The following ASIC2 variants were observed in gnomAD, a reference collection of about 807,000 sequenced individuals.
ASIC2 encodes the protein acid-sensing ion channel 2.
ASIC2 carries 25 observed loss-of-function variants against 57.3 expected under a neutral mutation model. The ratio of observed to expected loss-of-function variants is 0.44; its 90% CI spans 0.32 to 0.61. The LOEUF (loss-of-function observed/expected upper bound fraction) is 0.61. Ranked by LOEUF, ASIC2 falls within the 20% of genes least tolerant of loss-of-function variation. The pLI, the probability that ASIC2 is intolerant of heterozygous loss-of-function variation, is 0.06. For synonymous variants in ASIC2, 319 were observed against 307.5 expected (o/e 1.04, Z -0.39); for missense variants, 641 against 738.1 (o/e 0.87, Z 1.52).
chr17:33,898,908 C>T (rs1915168626), intron 1 of ASIC2, among the ~76,000 whole-genome samples: 1 of 152,142 alleles, frequency 6.6e-6, no homozygotes, highest in Non-Finnish European at 1.5e-5. Flanking sequence ...TTTTTCCATA[C>T]TTACTTCCAA....
intron 3 of ASIC2, among the ~76,000 whole-genome samples, chr17:33,030,777 T>C (rs999176856): frequency 2.0e-5 from 3 of 152,198 alleles, no homozygotes; most frequent in African/African-American, 7.2e-5. Context: ...TCACATGATT[T>C]TTCTCCTTCA....
intron 1 of ASIC2, among the ~76,000 whole-genome samples, chr17:34,101,252 C>T (rs189825581): frequency 3.9e-5 from 6 of 152,320 alleles, no homozygotes; most frequent in Admixed American, 2.6e-4. Flanking sequence ...GAGACACATA[C>T]ATATACAAGG....
rs146084911 is a variant in ASIC2, at chr17:33,174,392, G to T, written c.709-62325C>A. Among the ~76,000 whole-genome samples the T allele has an allele frequency of 2.8e-3, 416 of 148,062 alleles. 1 individual carries two copies. The highest frequency in any genetic ancestry group is 5.7e-3 in the Admixed American group (84 of 14,838). ...GCTGAGATCACACCCCTGCACTCCA[G>T]CCTGGGTGATGCAGCAAGACTCCAT... On this transcript the variant is annotated intron_variant, in intron 1 of 9. Coordinates refer to ENST00000225823, the MANE Select transcript of ASIC2 (RefSeq NM_183377.2).
At chr17:33,563,810 G>A (rs984540467) in intron 1 of ASIC2, among the ~76,000 whole-genome samples, 7 of 152,204 alleles carry the variant, frequency 4.6e-5, no homozygotes, top group African/African-American at 1.7e-4. Context: ...TGTAGCAAAG[G>A]AGATGGGTGG....
intron 1 of ASIC2, among the ~76,000 whole-genome samples, chr17:33,799,413 TTC>T (rs1412414679): frequency 1.5e-4 from 10 of 67,206 alleles, no homozygotes; most frequent in African/African-American, 5.2e-4. Flanking sequence ...TTTTCTTTCT[TTC>T]TTTCTTTCTT....
At chr17:33,745,686 T>C (rs1910239648) in intron 1 of ASIC2, among the ~76,000 whole-genome samples, 1 of 151,992 alleles carries the variant, frequency 6.6e-6, no homozygotes, top group Admixed American at 6.6e-5. Context: ...TAACTGAGAA[T>C]CTAATGCCCA....
intron 1 of ASIC2, among the ~76,000 whole-genome samples, chr17:33,258,983 T>A (rs1029487748): frequency 1.4e-4 from 22 of 152,030 alleles, no homozygotes; most frequent in African/African-American, 5.3e-4. Flanking sequence ...TAAGGCATAG[T>A]GAGAGAGCGA....
chr17:33,256,259 C>A (rs1909064874), intron 1 of ASIC2, among the ~76,000 whole-genome samples: 1 of 151,636 alleles, frequency 6.6e-6, no homozygotes, highest in Admixed American at 6.6e-5. Context: ...ATGAAAAAAA[C>A]AATATGGATT....
intron 3 of ASIC2, among the ~76,000 whole-genome samples, chr17:33,061,650 T>C (rs2092021090): frequency 6.6e-6 from 1 of 152,210 alleles, no homozygotes; most frequent in South Asian, 2.1e-4. Flanking sequence ...CTGCCAGGCT[T>C]TGGTATCAGG....
At chr17:33,150,553 A>G (rs1369952151) in intron 1 of ASIC2, among the ~76,000 whole-genome samples, 1 of 152,090 alleles carries the variant, frequency 6.6e-6, no homozygotes, top group African/African-American at 2.4e-5. Context: ...TTTTTAAATC[A>G]TAGTGAAGTC....
chr17:33,519,453 A>C (rs1362336603), intron 1 of ASIC2, among the ~76,000 whole-genome samples: 1 of 152,046 alleles, frequency 6.6e-6, no homozygotes, highest in Non-Finnish European at 1.5e-5. Flanking sequence ...GTATTTCTCT[A>C]CCTAGGCTTT....
At chr17:33,778,330 A>C (rs1054751534) in intron 1 of ASIC2, among the ~76,000 whole-genome samples, 2 of 152,170 alleles carry the variant, frequency 1.3e-5, no homozygotes, top group African/African-American at 4.8e-5. Flanking sequence ...TCCTTGTCAA[A>C]GTCGTGCCTG....
intron 1 of ASIC2, among the ~76,000 whole-genome samples, chr17:33,558,722 A>T (rs1304981365): frequency 1.3e-5 from 2 of 152,220 alleles, no homozygotes; most frequent in East Asian, 3.9e-4. Flanking sequence ...TTCTAACAAA[A>T]CTTTGCTTAT....
chr17:33,773,924 C>T (rs1911191459), intron 1 of ASIC2, among the ~76,000 whole-genome samples: 1 of 152,160 alleles, frequency 6.6e-6, no homozygotes, highest in African/African-American at 2.4e-5. Flanking sequence ...TTCTCAGCCT[C>T]CCAAAGTGTT....
intron 1 of ASIC2, among the ~76,000 whole-genome samples, chr17:33,854,132 G>A (rs1913850356): frequency 6.6e-6 from 1 of 152,144 alleles, no homozygotes; most frequent in African/African-American, 2.4e-5. Flanking sequence ...CTATTGTTTG[G>A]GAAATGGGGT....
rs559664127 is a variant in ASIC2, at chr17:33,195,660, CT to C, written c.709-83594del. Among the ~76,000 whole-genome samples, 8 of 152,228 alleles carry C rather than the reference CT, an allele frequency of 5.3e-5. No homozygotes were observed. The East Asian group carries it at 1.5e-3, about 29-fold the overall frequency. ...ATAATCCAATAATTAAAACATATTA[CT>C]TTGGGTCAGAGGACACACACGATCA... On this transcript the variant is annotated intron_variant, in intron 1 of 9. Transcript: ENST00000225823.
intron 1 of ASIC2, among the ~76,000 whole-genome samples, chr17:34,086,685 T>C (rs1910123676): frequency 6.6e-6 from 1 of 152,212 alleles, no homozygotes; most frequent in African/African-American, 2.4e-5. Context: ...AGTCTCTTTG[T>C]AGGTCACTCA....
At chr17:33,656,358 C>G (rs570613805) in intron 1 of ASIC2, among the ~76,000 whole-genome samples, 6 of 152,222 alleles carry the variant, frequency 3.9e-5, no homozygotes, top group African/African-American at 1.2e-4. Context: ...AGGTAATAGG[C>G]TCAATTCTTA....
chr17:33,692,814 C>T (rs1908414488), intron 1 of ASIC2, among the ~76,000 whole-genome samples: 1 of 152,142 alleles, frequency 6.6e-6, no homozygotes, highest in African/African-American at 2.4e-5. Flanking sequence ...GCTATGACAC[C>T]ACTAGGCAAT....
Sources: allele counts gnomAD v4.1 joint callset (sites outside exome capture counted in the v4.1 genomes callset), GRCh38; gene constraint gnomAD v4.1.1; transcripts MANE v1.5; gene names NCBI Gene and HGNC (gene_info 2026-07-23, HGNC 2026-07-21).